The following FAM184B variants were observed in gnomAD, a reference collection of about 807,000 sequenced individuals.
The protein encoded by FAM184B is protein FAM184B.
A neutral mutation model predicts 135.9 loss-of-function variants in FAM184B; 111 were observed. The ratio of observed to expected loss-of-function variants is 0.82; its 90% CI spans 0.70 to 0.96. The LOEUF is 0.96. Among genes scored for constraint, FAM184B ranks in the 40% least tolerant of loss-of-function variants. The pLI, the probability that FAM184B is intolerant of heterozygous loss-of-function variation, is 0.00. For synonymous variants in FAM184B, 552 were observed against 524.8 expected (o/e 1.05, Z -0.71); for missense variants, 1,375 against 1,323.9 (o/e 1.04, Z -0.60).
intron 1 of FAM184B, among the ~76,000 whole-genome samples, chr4:17,765,908 G>C (rs983122994): frequency 6.6e-6 from 1 of 152,108 alleles, no homozygotes; most frequent in Non-Finnish European, 1.5e-5. Flanking sequence ...CCTTCGCGGT[G>C]GTGAGTGTTA....
rs568966420 is a variant in FAM184B, at chr4:17,709,577, T to G, written c.209A>C (p.His70Pro). The G allele has an allele frequency of 1.3e-6, 2 of 1,548,788 alleles. No homozygotes were observed. Among genetic ancestry groups the G allele is most frequent in the African/African-American group, 1.4e-5 (1 of 73,068 alleles). ...CACCGCATTCTGGAGCTCCTCCTGG[T>G]GCGCTTCCCGCAGCGCCTCCATGCT... ...EASMEALREA[H>P]QEELQNAVAE... Residue 70 changes from histidine (H) to proline (P), a missense_variant, in exon 2 of 18, where the codon CAC (histidine) becomes CCC (proline). His to Pro is a moderately conservative substitution (Grantham distance 77). Transcript: ENST00000265018.
At chr4:17,707,523 C>A in intron 3 of FAM184B, 126 bp downstream of exon 3, 1 of 1,231,062 alleles carries the variant, frequency 8.1e-7, no homozygotes, top group Non-Finnish European at 1.1e-6. Flanking sequence ...ACCCACCAGG[C>A]AGGTCAGATC....
intron 11 of FAM184B, among the ~76,000 whole-genome samples, chr4:17,651,487 G>A (rs967734075): frequency 8.1e-6 from 1 of 124,214 alleles, no homozygotes; most frequent in African/African-American, 3.1e-5. Flanking sequence ...GCAGTGAGCT[G>A]AGATCATGCC....
intron 1 of FAM184B, among the ~76,000 whole-genome samples, chr4:17,779,803 G>A (rs1179041225): frequency 6.6e-6 from 1 of 152,206 alleles, no homozygotes; most frequent in Non-Finnish European, 1.5e-5. Flanking sequence ...ACATAGTATA[G>A]TCTTCTAGCT....
At chr4:17,747,675 A>G (rs1309988999) in intron 1 of FAM184B, among the ~76,000 whole-genome samples, 1 of 151,888 alleles carries the variant, frequency 6.6e-6, no homozygotes, top group Non-Finnish European at 1.5e-5. Context: ...TAATCCCAGC[A>G]CTTTGGGAGG....
At chr4:17,679,491 A>G (rs948102839) in intron 7 of FAM184B, among the ~76,000 whole-genome samples, 1 of 152,228 alleles carries the variant, frequency 6.6e-6, no homozygotes, top group Non-Finnish European at 1.5e-5. Flanking sequence ...CTCTGCAGGA[A>G]TGGCCATAGT....
At chr4:17,737,121 G>A (rs1042101355) in intron 1 of FAM184B, among the ~76,000 whole-genome samples, 9 of 151,644 alleles carry the variant, frequency 5.9e-5, no homozygotes, top group Non-Finnish European at 1.3e-4. Context: ...TCCAGCCTGG[G>A]CAACAAGAGT....
At chr4:17,735,985 T>C (rs191064748) in intron 1 of FAM184B, among the ~76,000 whole-genome samples, 291 of 152,252 alleles carry the variant, frequency 1.9e-3, no homozygotes, top group African/African-American at 6.7e-3. Context: ...AAAACATCAA[T>C]AGATGATGAT....
At chr4:17,660,651 T>G (rs771836821) in intron 8 of FAM184B, among the ~76,000 whole-genome samples, 36 of 152,060 alleles carry the variant, frequency 2.4e-4, no homozygotes, top group Middle Eastern at 6.8e-3. Flanking sequence ...AGTTTCTGCA[T>G]TCTAGATAAG....
intron 7 of FAM184B, among the ~76,000 whole-genome samples, chr4:17,674,017 A>G (rs1414447436): frequency 6.6e-6 from 1 of 152,200 alleles, no homozygotes; most frequent in Non-Finnish European, 1.5e-5. Flanking sequence ...CCTGCCTTAC[A>G]AGAAATGCTA....
At chr4:17,664,941 G>A (rs1446293204) in intron 7 of FAM184B, among the ~76,000 whole-genome samples, 1 of 152,178 alleles carries the variant, frequency 6.6e-6, no homozygotes, top group Non-Finnish European at 1.5e-5. Context: ...AGCATAAAGA[G>A]GGGAAGTAAC....
At chr4:17,712,388 G>A (rs1168316464) in intron 1 of FAM184B, among the ~76,000 whole-genome samples, 1 of 152,190 alleles carries the variant, frequency 6.6e-6, no homozygotes, top group Non-Finnish European at 1.5e-5. Context: ...CTGGGCTGGT[G>A]TAGACGCCGT....
intron 1 of FAM184B, among the ~76,000 whole-genome samples, chr4:17,752,763 T>TA (rs1718331225): frequency 1.3e-5 from 2 of 152,208 alleles, no homozygotes; most frequent in Admixed American, 1.3e-4. Context: ...ATCAAACCGA[T>TA]ACATATGACA....
chr4:17,641,925 T>C, intron 13 of FAM184B, 131 bp downstream of exon 13: 2 of 1,332,470 alleles, frequency 1.5e-6, no homozygotes, highest in Non-Finnish European at 9.9e-7. Context: ...GTGTCTAGTG[T>C]CTTGTGGGGC....
At chr4:17,648,519 ATTT>A (rs5856440) in intron 11 of FAM184B, among the ~76,000 whole-genome samples, 1 of 144,364 alleles carries the variant, frequency 6.9e-6, no homozygotes, top group Non-Finnish European at 1.5e-5. Context: ...TAATTTTTGT[ATTT>A]TTTTTTTTTT....
intron 1 of FAM184B, among the ~76,000 whole-genome samples, chr4:17,714,565 A>T (rs754582632): frequency 6.6e-6 from 1 of 152,110 alleles, no homozygotes; most frequent in Non-Finnish European, 1.5e-5. Flanking sequence ...TTTATCTGTA[A>T]CAGCATCTAT....
At chr4:17,732,774 C>T (rs571443939) in intron 1 of FAM184B, among the ~76,000 whole-genome samples, 16 of 152,280 alleles carry the variant, frequency 1.1e-4, no homozygotes, top group South Asian at 2.1e-4. Context: ...GGAGCTGGTA[C>T]GATTCCTTCT....
chr4:17,641,461 C>CTTTTTTTTTTTTTTTTTTT (rs71167316), intron 13 of FAM184B, among the ~76,000 whole-genome samples: 2 of 45,700 alleles, frequency 4.4e-5, no homozygotes, highest in African/African-American at 8.4e-5. Context: ...AGGACTCCCT[C>CTTTTTTTTTTTTTTTTTTT]TTTTTTTTTT....
At chr4:17,715,898 C>T (rs1324970500) in intron 1 of FAM184B, among the ~76,000 whole-genome samples, 2 of 152,126 alleles carry the variant, frequency 1.3e-5, no homozygotes, top group South Asian at 2.1e-4. Flanking sequence ...GGGAGATTAT[C>T]GACATGTTTC....
Sources: gnomAD v4.1 joint callset for allele counts (sites outside exome capture counted in the v4.1 genomes callset) on GRCh38, gnomAD v4.1.1 for gene constraint, MANE v1.5 for transcripts, NCBI Gene and HGNC (gene_info 2026-07-23, HGNC 2026-07-21) for gene names.